The following MPRIP variants were observed in gnomAD, a reference collection of about 807,000 sequenced individuals.
MPRIP encodes myosin phosphatase Rho-interacting protein.
MPRIP carries 59 observed loss-of-function variants against 234.9 expected under a neutral mutation model. The observed-to-expected ratio is 0.25, with a 90% CI of 0.20 to 0.31. The LOEUF is 0.31. Ranked by LOEUF, MPRIP falls within the 10% of genes least tolerant of loss-of-function variation. MPRIP has a pLI of 1.00. For synonymous variants in MPRIP, 1,144 were observed against 1,263.9 expected (o/e 0.91, Z 2.01); for missense variants, 2,436 against 3,071.0 (o/e 0.79, Z 4.89).
intron 13 of MPRIP, among the ~76,000 whole-genome samples, chr17:17,155,383 G>A (rs1766990408): frequency 6.6e-6 from 1 of 151,968 alleles, no homozygotes; most frequent in South Asian, 2.1e-4. Context: ...CTCCCAAGTA[G>A]CTGGGATTAC....
intron 5 of MPRIP, among the ~76,000 whole-genome samples, chr17:17,133,519 C>T (rs543209244): frequency 6.6e-6 from 1 of 152,326 alleles, no homozygotes; most frequent in African/African-American, 2.4e-5. Context: ...TTCAGAGCAC[C>T]TGGAGAGGCG....
chr17:17,051,369 A>G lies in MPRIP; in HGVS notation c.123+8398A>G, dbSNP rs528531120. 2.6e-5 allele frequency among the ~76,000 whole-genome samples: 4 copies of G among 152,298 alleles called. No homozygotes were observed. The South Asian group carries it at 8.3e-4, about 32-fold the overall frequency. ...TTGGGTGCTAATTTGGAAGCATCTG[A>G]CCTAAGAAAACGGGCTCTTCTCTTA... On this transcript the variant is annotated intron_variant, in intron 1 of 23. Transcript: ENST00000651222.
intron 3 of MPRIP, among the ~76,000 whole-genome samples, chr17:17,086,523 GATA>G (rs1377033358): frequency 6.6e-6 from 1 of 152,246 alleles, no homozygotes; most frequent in Non-Finnish European, 1.5e-5. Flanking sequence ...GAGTTGGTGG[GATA>G]ATAAGTGGGG....
chr17:17,064,708 G>T (rs1297140160), intron 1 of MPRIP, among the ~76,000 whole-genome samples: 1 of 152,190 alleles, frequency 6.6e-6, no homozygotes, highest in Non-Finnish European at 1.5e-5. Flanking sequence ...CCAGGTTGTT[G>T]CTTGGATCAG....
At chr17:17,112,904 A>G (rs866206590) in intron 3 of MPRIP, among the ~76,000 whole-genome samples, 48 of 151,826 alleles carry the variant, frequency 3.2e-4, no homozygotes, top group Middle Eastern at 3.2e-3. Flanking sequence ...CAGCCAACTC[A>G]CTCTGTCCTT....
intron 1 of MPRIP, among the ~76,000 whole-genome samples, chr17:17,056,243 G>A (rs756838763): frequency 2.0e-4 from 30 of 152,328 alleles, no homozygotes; most frequent in Non-Finnish European, 2.4e-4. Context: ...TGGGAAGGAC[G>A]GCTTTTTGAG....
intron 3 of MPRIP, among the ~76,000 whole-genome samples, chr17:17,090,762 G>A (rs1167272246): frequency 6.6e-6 from 1 of 152,198 alleles, no homozygotes; most frequent in Non-Finnish European, 1.5e-5. Flanking sequence ...CCCAAAATCA[G>A]GGTTTTTCTG....
rs61744979 is a variant in MPRIP at position 17,164,949 on chromosome 17, C to A, written c.3358C>A (p.Arg1120Ser). ...ACAGCGGTTCCAGGAGCTGACAGAG[C>A]GCGTGGCCACGTCCGACGAGGATGT... ...LRQRFQELTE[R>S]VATSDEDVAE... The change falls in exon 16 of 24, where the codon CGC becomes AGC. Residue 1120 changes from arginine (R) to serine (S), a missense_variant. Physicochemically the swap from Arg to Ser is moderately radical, Grantham distance 110. Around this residue, in one of 4 missense-constraint regions of MPRIP, gnomAD observed 1,998 missense variants for 2,520.3 expected, o/e 0.79. Transcript: ENST00000651222. The A allele has an allele frequency of 1.2e-4, 152 of 1,303,638 alleles. 1 individual carries two copies. In the African/African-American group the frequency reaches 2.1e-3, roughly 18 times the overall value. The allele number at this position is 1,303,638 out of a possible 1,614,324, so 80.8% of individuals were successfully genotyped here.
At position 17,138,157 on chromosome 17, in the gene MPRIP, C is replaced by A; in HGVS notation, c.978C>A (p.Val326=). ...GTCCTCGACTCCCCCACCAAATGGTCTGCAGCATCTCCCTCAGCTCCCTGG... is the reference window on the plus strand; with the variant it reads ...GTCCTCGACTCCCCCACCAAATGGTATGCAGCATCTCCCTCAGCTCCCTGG... ...SPGPRLPHQM[V]CSISLSSLDV... The change falls in exon 7 of 24, where the codon GTC becomes GTA. Residue 326 remains valine (V), a synonymous_variant. Coordinates refer to ENST00000651222, the MANE Select transcript of MPRIP (RefSeq NM_001364716.4). The surrounding 1 kb of genome is among the most constrained non-coding windows in gnomAD (Gnocchi z 5.8). 1 of 1,267,572 alleles carries A rather than the reference C, an allele frequency of 7.9e-7. No homozygotes were observed. The highest frequency in any genetic ancestry group is 1.1e-6 in the Non-Finnish European group (1 of 916,006). 78.5% of individuals were successfully genotyped at this position (1,267,572 alleles called of 1,614,324 possible). A position where few individuals can be genotyped will look rare whatever the true frequency, so the allele number is the denominator to read the frequency against.
intron 3 of MPRIP, among the ~76,000 whole-genome samples, chr17:17,084,837 C>T (rs1367486410): frequency 6.6e-6 from 1 of 152,202 alleles, no homozygotes; most frequent in Non-Finnish European, 1.5e-5. Context: ...CACCTGCCTT[C>T]TTTGCTACAT....
At chr17:17,064,459 C>T (rs1052808587) in intron 1 of MPRIP, among the ~76,000 whole-genome samples, 5 of 152,104 alleles carry the variant, frequency 3.3e-5, no homozygotes, top group Non-Finnish European at 5.9e-5. Context: ...CCAGGTCCTC[C>T]GATGGTGACC....
chr17:17,173,934 G>A lies in MPRIP; in HGVS notation c.6609G>A (p.Val2203=). The change falls in exon 19 of 24, where the codon GTG becomes GTA. Residue 2203 remains valine (V), a synonymous_variant. Transcript: ENST00000651222. ...TCCCCAGGGAGGAGCTGCAGTCGGT[G>A]CAGCGGGAACTGGAGGTCCTCTCGG... ...RRQYLEELQS[V]QRELEVLSEQ... is the part of the protein sequence containing the mutation. 9 of 1,613,556 alleles carry A rather than the reference G, an allele frequency of 5.6e-6. No individual in the cohort carries two copies. The highest frequency in any genetic ancestry group is 7.6e-6 in the Non-Finnish European group (9 of 1,179,936).
At chr17:17,104,852 C>T (rs1455590452) in intron 3 of MPRIP, among the ~76,000 whole-genome samples, 1 of 152,068 alleles carries the variant, frequency 6.6e-6, no homozygotes, top group African/African-American at 2.4e-5. Context: ...CCTTAAGACC[C>T]CTCTTCATTA....
intron 1 of MPRIP, among the ~76,000 whole-genome samples, chr17:17,050,335 A>G (rs2088498633): frequency 6.9e-6 from 1 of 144,978 alleles, no homozygotes; most frequent in African/African-American, 2.5e-5. Context: ...AAAAAAAAAA[A>G]GAGGTGAAAT....
intron 3 of MPRIP, among the ~76,000 whole-genome samples, chr17:17,101,306 C>T (rs1055323947): frequency 2.6e-5 from 4 of 152,244 alleles, no homozygotes; most frequent in African/African-American, 9.6e-5. Flanking sequence ...TGGCCCACAC[C>T]TGTAATCCCA....
intron 1 of MPRIP, among the ~76,000 whole-genome samples, chr17:17,071,700 G>T (rs1005335083): frequency 6.6e-6 from 1 of 152,136 alleles, no homozygotes; most frequent in African/African-American, 2.4e-5. Flanking sequence ...AGTGAAGGCC[G>T]AGTTTAATTG....
In MPRIP at chr17:17,180,081, G is replaced by A. The variant is rs1021077362; in HGVS notation, c.7199G>A (p.Arg2400Lys). The change falls in exon 23 of 24, where the codon AGG (arginine) becomes AAG (lysine). Residue 2400 changes from arginine to lysine, a missense_variant. By Grantham distance (26) the Arg-to-Lys change is conservative. Transcript: ENST00000651222. ...GTCACCCGGCAACTCAGAAACATCA[G>A]GTCCAAGGTGAGTCTGGGGTCCAGC... ...SCVTRQLRNI[R>K]SKSLKEGLTV... The A allele has an allele frequency of 6.3e-7, 1 of 1,587,802 alleles. No homozygotes were observed. The highest frequency in any genetic ancestry group is 1.4e-5 in the African/African-American group (1 of 73,100).
chr17:17,111,955 G>A (rs1049021336), intron 3 of MPRIP, among the ~76,000 whole-genome samples: 2 of 152,090 alleles, frequency 1.3e-5, no homozygotes, highest in East Asian at 1.9e-4. Flanking sequence ...AAGGGCAACC[G>A]TCCAGGCCAG....
intron 11 of MPRIP, among the ~76,000 whole-genome samples, chr17:17,149,287 G>C (rs55845242): frequency 0.085 from 13,003 of 152,230 alleles, 703 homozygotes; most frequent in Middle Eastern, 0.15. Flanking sequence ...GAGGTCAGGA[G>C]TTTGAGACCA....
Sources: gnomAD v4.1 joint callset for allele counts (sites outside exome capture counted in the v4.1 genomes callset) on GRCh38, gnomAD v4.1.1 for gene constraint, gnomAD v4.1.1 regional missense constraint, Gnocchi (gnomAD v3.1) non-coding constraint, MANE v1.5 for transcripts, NCBI Gene and HGNC (gene_info 2026-07-23, HGNC 2026-07-21) for gene names.